Variants in GABRB1 observed in about 807,000 individuals in gnomAD.
GABRB1 encodes the protein gamma-aminobutyric acid type A receptor subunit beta1, also known as gamma-aminobutyric acid receptor subunit beta-1.
GABRB1 carries 17 observed loss-of-function variants against 51.6 expected under a neutral mutation model. The ratio of observed to expected loss-of-function variants is 0.33; its 90% CI spans 0.23 to 0.49. The LOEUF (loss-of-function observed/expected upper bound fraction) is 0.49. Ranked by LOEUF, GABRB1 falls within the 20% of genes least tolerant of loss-of-function variation. The probability of loss-of-function intolerance (pLI) is 0.99; values close to 1 mark genes in which losing one functional copy is unlikely to be tolerated. For missense variants in GABRB1, 410 were observed against 600.6 expected, an observed-to-expected ratio of 0.68 and a Z score of 3.32; for synonymous variants, 247 against 218.9, an observed-to-expected ratio of 1.13 and a Z score of -1.14.
At chr4:47,031,794 C>G (rs1560502911) in intron 1 of GABRB1, 63 bp downstream of exon 1, 2 of 1,531,832 alleles carry the variant, frequency 1.3e-6, no homozygotes, top group Non-Finnish European at 9.0e-7. Flanking sequence ...TGGTATGTTT[C>G]TTTTTACGTG....
At chr4:47,376,481 C>T (rs1466170453) in intron 5 of GABRB1, among the ~76,000 whole-genome samples, 1 of 151,454 alleles carries the variant, frequency 6.6e-6, no homozygotes, top group Non-Finnish European at 1.5e-5. Flanking sequence ...CCCGTCTCTA[C>T]TAAAAATACA....
chr4:47,380,102 G>T (rs1727541383), intron 5 of GABRB1, among the ~76,000 whole-genome samples: 1 of 152,084 alleles, frequency 6.6e-6, no homozygotes, highest in Admixed American at 6.6e-5. Flanking sequence ...TTATTTCCAG[G>T]TTTTATTCCG....
At chr4:47,246,747 T>C (rs1295188000) in intron 4 of GABRB1, among the ~76,000 whole-genome samples, 1 of 152,076 alleles carries the variant, frequency 6.6e-6, no homozygotes, top group Non-Finnish European at 1.5e-5. Context: ...GGTATCACGT[T>C]GTGGTTTTGA....
intron 3 of GABRB1, among the ~76,000 whole-genome samples, chr4:47,053,787 GGT>G (rs1388347994): frequency 6.6e-6 from 1 of 152,156 alleles, no homozygotes; most frequent in Non-Finnish European, 1.5e-5. Flanking sequence ...TTCTGAAAGG[GGT>G]GTGAGATCTA....
chr4:47,126,956 T>C (rs1716172774), intron 3 of GABRB1, among the ~76,000 whole-genome samples: 1 of 151,948 alleles, frequency 6.6e-6, no homozygotes, highest in Admixed American at 6.6e-5. Context: ...AGCCTCCCAT[T>C]TCTACATAAG....
rs547624313 is a variant in GABRB1 at position 47,411,116 on chromosome 4, G to A, written c.1080+4190G>A. On this transcript the variant is annotated intron_variant, in intron 8 of 8. Transcript: ENST00000295454. ...CAGGAAGATGTGACCATCATCAAGA[G>A]AAAAACATTTGTCAACAGAAACAGA... 5.9e-4 allele frequency among the ~76,000 whole-genome samples: 90 copies of A among 152,222 alleles called. 1 individual carries two copies. The highest frequency in any genetic ancestry group is 1.9e-3 in the African/African-American group (79 of 41,556).
intron 5 of GABRB1, among the ~76,000 whole-genome samples, chr4:47,350,193 A>C (rs1726260070): frequency 4.5e-5 from 2 of 44,188 alleles, no homozygotes; most frequent in African/African-American, 1.5e-4. Flanking sequence ...TTATATATAT[A>C]TATATATATA....
At chr4:47,405,083 T>C (rs1223253468) in intron 7 of GABRB1, among the ~76,000 whole-genome samples, 1 of 152,220 alleles carries the variant, frequency 6.6e-6, no homozygotes, top group Non-Finnish European at 1.5e-5. Context: ...ATGCAATTGG[T>C]GAATTTATAA....
intron 3 of GABRB1, among the ~76,000 whole-genome samples, chr4:47,044,122 T>C (rs147838644): frequency 4.5e-4 from 69 of 152,176 alleles, no homozygotes; most frequent in African/African-American, 1.6e-3. Flanking sequence ...TTGAAAAGCA[T>C]TTTGCTTGAT....
chr4:47,193,380 C>A (rs1719522939), intron 4 of GABRB1, among the ~76,000 whole-genome samples: 1 of 152,088 alleles, frequency 6.6e-6, no homozygotes, highest in African/African-American at 2.4e-5. Flanking sequence ...GCCTGGGCCT[C>A]CTAAAGTGGA....
intron 5 of GABRB1, among the ~76,000 whole-genome samples, chr4:47,389,308 A>G (rs1727903862): frequency 1.3e-5 from 2 of 151,982 alleles, no homozygotes; most frequent in Admixed American, 6.6e-5. Context: ...TTATGGGCTG[A>G]CCCTTCCTCT....
intron 3 of GABRB1, among the ~76,000 whole-genome samples, chr4:47,118,808 T>C (rs1178248844): frequency 6.6e-6 from 1 of 152,136 alleles, no homozygotes; most frequent in East Asian, 1.9e-4. Flanking sequence ...ACTAGCTAAA[T>C]AGAGATATGC....
intron 3 of GABRB1, among the ~76,000 whole-genome samples, chr4:47,112,472 A>C (rs575548490): frequency 6.6e-6 from 1 of 152,340 alleles, no homozygotes; most frequent in South Asian, 2.1e-4. Flanking sequence ...GGAATAAGGC[A>C]GTTCTTGGTT....
chr4:47,258,625 T>C (rs892961307), intron 4 of GABRB1, among the ~76,000 whole-genome samples: 1 of 152,128 alleles, frequency 6.6e-6, no homozygotes, highest in African/African-American at 2.4e-5. Context: ...AATATTCAAA[T>C]TCAGAATTCA....
At chr4:47,395,966 T>A (rs1411897509) in intron 5 of GABRB1, among the ~76,000 whole-genome samples, 1 of 152,186 alleles carries the variant, frequency 6.6e-6, no homozygotes, top group African/African-American at 2.4e-5. Flanking sequence ...TATAAGAAAT[T>A]CCTTGTTCTT....
chr4:47,095,909 A>G (rs1714405708), intron 3 of GABRB1, among the ~76,000 whole-genome samples: 1 of 152,250 alleles, frequency 6.6e-6, no homozygotes, highest in African/African-American at 2.4e-5. Flanking sequence ...CCAATAGACT[A>G]AACATATGTT....
intron 8 of GABRB1, among the ~76,000 whole-genome samples, chr4:47,419,117 A>G (rs1295839740): frequency 6.6e-6 from 1 of 152,212 alleles, no homozygotes; most frequent in African/African-American, 2.4e-5. Context: ...CTCCATAACA[A>G]CGTAAACACC....
At chr4:47,200,800 A>G (rs1560582676) in intron 4 of GABRB1, among the ~76,000 whole-genome samples, 1 of 152,166 alleles carries the variant, frequency 6.6e-6, no homozygotes, top group Non-Finnish European at 1.5e-5. Context: ...ACTACATCCT[A>G]AGAAAGTCAG....
chr4:47,073,452 G>T (rs1204955767), intron 3 of GABRB1, among the ~76,000 whole-genome samples: 10 of 152,056 alleles, frequency 6.6e-5, no homozygotes, highest in South Asian at 2.1e-4. Flanking sequence ...CAAACATATA[G>T]ATTGTCCAGT....
Sources: allele counts gnomAD v4.1 joint callset (sites outside exome capture counted in the v4.1 genomes callset), GRCh38; gene constraint gnomAD v4.1.1; transcripts MANE v1.5; gene names NCBI Gene and HGNC (gene_info 2026-07-23, HGNC 2026-07-21).